Variants in IQCB1 observed in about 807,000 individuals in gnomAD.
IQCB1 encodes IQ calmodulin-binding motif-containing protein 1.
A neutral mutation model predicts 84.4 loss-of-function variants in IQCB1; 56 were observed. The ratio of observed to expected loss-of-function variants is 0.66; its 90% CI spans 0.54 to 0.83. IQCB1 has a LOEUF of 0.83. Ranked by LOEUF, IQCB1 falls within the 40% of genes least tolerant of loss-of-function variation. The pLI is 0.00. For missense variants in IQCB1, 629 were observed against 682.1 expected (o/e 0.92, Z 0.87); for synonymous variants, 210 against 234.8 (o/e 0.89, Z 0.96).
At chr3:121,815,745 AG>A (rs1950026042) in intron 5 of IQCB1, among the ~76,000 whole-genome samples, 1 of 143,298 alleles carries the variant, frequency 7.0e-6, no homozygotes, top group Non-Finnish European at 1.5e-5. Flanking sequence ...ACACTGCTCA[AG>A]GAAATAACAG....
intron 5 of IQCB1, among the ~76,000 whole-genome samples, chr3:121,822,513 A>G (rs760335121): frequency 6.6e-6 from 1 of 152,178 alleles, no homozygotes; most frequent in Non-Finnish European, 1.5e-5. Context: ...TGACTCTTAA[A>G]CTGTACATAT....
rs1949226816 is a variant in IQCB1 at position 121,797,145 on chromosome 3, T to G, written c.849A>C (p.Pro283=). 1 of 1,604,068 alleles carries G rather than the reference T, an allele frequency of 6.2e-7. No individual in the cohort carries two copies. The highest frequency in any genetic ancestry group is 8.5e-7 in the Non-Finnish European group (1 of 1,171,730). ...ELRQLVGLLS[P]MVYQEVEEQK... ...GCTCTTCTACTTCCTGATAGACCATTGGGCTTAAAAGGCCAACAAGCTGTC... is the reference window on the plus strand; with the variant it reads ...GCTCTTCTACTTCCTGATAGACCATGGGGCTTAAAAGGCCAACAAGCTGTC... The change falls in exon 9 of 15, where the codon CCA becomes CCC. Residue 283 remains proline (P), a synonymous_variant. Coordinates refer to ENST00000310864, the MANE Select transcript of IQCB1 (RefSeq NM_001023570.4).
intron 5 of IQCB1, among the ~76,000 whole-genome samples, chr3:121,821,046 G>A (rs376876547): frequency 1.3e-4 from 20 of 151,330 alleles, no homozygotes; most frequent in African/African-American, 4.4e-4. Context: ...GCTGGTGTGC[G>A]GTGACGTGAT....
chr3:121,786,175 G>GAAAAGAAAAGAA (rs1948716349), intron 12 of IQCB1, among the ~76,000 whole-genome samples: 2 of 122,864 alleles, frequency 1.6e-5, no homozygotes, highest in African/African-American at 6.0e-5. Context: ...TGTCTCAAAA[G>GAAAAGAAAAGAA]AAAAGAAAAG....
At chr3:121,786,202 A>AGAGAAGAGAAGAGAAGAGAAGAG (rs1559760960) in intron 12 of IQCB1, among the ~76,000 whole-genome samples, 3 of 146,302 alleles carry the variant, frequency 2.1e-5, no homozygotes, top group African/African-American at 7.9e-5. Context: ...AAAGAAAAGA[A>AGAGAAGAGAAGAGAAGAGAAGAG]AAGAAAAGAA....
chr3:121,805,787 GC>G (rs1329109452), intron 7 of IQCB1, among the ~76,000 whole-genome samples: 1 of 152,064 alleles, frequency 6.6e-6, no homozygotes, highest in Non-Finnish European at 1.5e-5. Context: ...CTTACAATGT[GC>G]AGATCAGTAC....
Position 121,828,478 on chromosome 3 carries a change from C to T in IQCB1, c.255G>A (p.Gln85=). Reference sequence around the variant, plus strand: ...TTACTGCTTTATTTTACCTTAATATCTGTGTAAGCTGGGAAATTGTAGTCC... The same window carrying T: ...TTACTGCTTTATTTTACCTTAATATTTGTGTAAGCTGGGAAATTGTAGTCC... ...GGWTTISQLT[Q]ILSHCCVGLE... is the part of the protein sequence containing the mutation. Residue 85 remains glutamine, a synonymous_variant, in exon 4 of 15, where the codon CAG becomes CAA. Transcript: ENST00000310864. 6.2e-7 allele frequency: 1 copy of T among 1,612,588 alleles called. No individual in the cohort carries two copies. Among genetic ancestry groups the T allele is most frequent in the South Asian group, 1.1e-5 (1 of 91,054 alleles).
chr3:121,771,097 G>A (rs768035359), intron 14 of IQCB1, among the ~76,000 whole-genome samples: 5 of 152,040 alleles, frequency 3.3e-5, no homozygotes, highest in Non-Finnish European at 7.4e-5. Context: ...TCAGCCTCCT[G>A]AGTAGCTGGG....
At chr3:121,814,523 T>A (rs558033436) in intron 5 of IQCB1, among the ~76,000 whole-genome samples, 9 of 151,998 alleles carry the variant, frequency 5.9e-5, no homozygotes, top group African/African-American at 2.2e-4. Flanking sequence ...CTAGCCAGAC[T>A]AATAAAAAAG....
chr3:121,821,443 C>A (rs1950270821), intron 5 of IQCB1, among the ~76,000 whole-genome samples: 1 of 152,206 alleles, frequency 6.6e-6, no homozygotes, highest in Non-Finnish European at 1.5e-5. Context: ...GTACCATTGG[C>A]TCCACAAAGC....
intron 4 of IQCB1, among the ~76,000 whole-genome samples, chr3:121,827,486 G>A (rs1018720669): frequency 6.6e-6 from 1 of 151,882 alleles, no homozygotes; most frequent in Non-Finnish European, 1.5e-5. Flanking sequence ...AGAAACATGG[G>A]AATTTCTTAA....
At position 121,826,154 on chromosome 3, in the gene IQCB1, C is replaced by T; in HGVS notation, c.290G>A (p.Gly97Glu). 5.6e-6 allele frequency: 9 copies of T among 1,613,850 alleles called. No homozygotes were observed. The highest frequency in any genetic ancestry group is 7.6e-6 in the Non-Finnish European group (9 of 1,179,794). ...ATTGTAAAATTCCTCTGCATCTTCTCCTGGCTCCAAGCCCACACAGCAATG... is the reference window on the plus strand; with the variant it reads ...ATTGTAAAATTCCTCTGCATCTTCTTCTGGCTCCAAGCCCACACAGCAATG... ...LSHCCVGLEPGEDAEEFYNEL... is the reference protein window; with the variant it reads ...LSHCCVGLEPEEDAEEFYNEL... Residue 97 changes from glycine (G) to glutamate (E), a missense_variant, in exon 5 of 15, where the codon GGA becomes GAA. Transcript: ENST00000310864.
At chr3:121,810,812 C>T (rs989530883) in intron 5 of IQCB1, among the ~76,000 whole-genome samples, 8 of 152,056 alleles carry the variant, frequency 5.3e-5, no homozygotes, top group African/African-American at 1.9e-4. Flanking sequence ...AAATCAAATC[C>T]AACACAATTC....
At chr3:121,806,381 T>C (rs1323026853) in intron 7 of IQCB1, among the ~76,000 whole-genome samples, 1 of 152,132 alleles carries the variant, frequency 6.6e-6, no homozygotes. Flanking sequence ...ATGGTCCCCG[T>C]TGCCTATAGG....
intron 14 of IQCB1, 137 bp from the exon 15 acceptor site, chr3:121,770,711 C>T: frequency 1.3e-6 from 1 of 759,596 alleles, no homozygotes; most frequent in African/African-American, 1.7e-5. Context: ...GAGAAAGGGT[C>T]TTGCTCTATT....
At chr3:121,794,080 C>T (rs1949092097) in intron 10 of IQCB1, among the ~76,000 whole-genome samples, 1 of 151,994 alleles carries the variant, frequency 6.6e-6, no homozygotes, top group Non-Finnish European at 1.5e-5. Flanking sequence ...GAAAAATATA[C>T]ACTGTGACTC....
intron 2 of IQCB1, among the ~76,000 whole-genome samples, chr3:121,833,093 G>C (rs928023930): frequency 6.6e-6 from 1 of 152,164 alleles, no homozygotes; most frequent in Non-Finnish European, 1.5e-5. Context: ...AGCTTCATGA[G>C]GGCAACCTAC....
rs116101704 is a variant in IQCB1, at chr3:121,790,533, A to G, written c.987-318T>C. 0.015 allele frequency among the ~76,000 whole-genome samples: 2,287 copies of G among 152,324 alleles called. 58 individuals carry two copies. Among genetic ancestry groups the G allele is most frequent in the African/African-American group, 0.051 (2,132 of 41,586 alleles). On this transcript the variant is annotated intron_variant, in intron 10 of 14. Transcript: ENST00000310864. ...ATATATATGTAAAAATTTATGTTCA[A>G]AAATGTTCTCCACAGTATTACAACA...
chr3:121,832,344 TGA>T lies in IQCB1; in HGVS notation c.-13+2045_-13+2046del, dbSNP rs1247834116. Among the ~76,000 whole-genome samples the T allele has an allele frequency of 8.7e-4, 123 of 141,314 alleles. 1 individual carries two copies. Among genetic ancestry groups the T allele is most frequent in the Non-Finnish European group, 9.7e-4 (63 of 65,142 alleles). 92.7% of individuals were successfully genotyped at this position (141,314 alleles called of 152,430 possible). A position where few individuals can be genotyped will look rare whatever the true frequency, so the allele number is the denominator to read the frequency against. On this transcript the variant is annotated intron_variant, in intron 2 of 14. Transcript: ENST00000310864. ...ATTTTACAATTTTTTTTTTTTTTTT[TGA>T]GAGAGAGTCTGACTCTGTTTACCCT...
Sources: allele counts gnomAD v4.1 joint callset (sites outside exome capture counted in the v4.1 genomes callset), GRCh38; gene constraint gnomAD v4.1.1; transcripts MANE v1.5; gene names NCBI Gene and HGNC (gene_info 2026-07-23, HGNC 2026-07-21).